TCF7L1: variants seen among roughly 807,000 people sequenced by gnomAD.
The protein encoded by TCF7L1 is transcription factor 7 like 1, also known as transcription factor 7-like 1.
TCF7L1 carries 18 observed loss-of-function variants against 63.7 expected under a neutral mutation model. That is an observed-to-expected ratio of 0.28 (90% CI 0.20 to 0.42). TCF7L1 has a LOEUF of 0.42. Ranked by LOEUF, TCF7L1 falls within the 10% of genes least tolerant of loss-of-function variation. The pLI is 1.00. For missense variants in TCF7L1, 654 were observed against 779.3 expected (o/e 0.84, Z 1.91); for synonymous variants, 355 against 340.9 (o/e 1.04, Z -0.46).
At chr2:85,208,899 A>G (rs1679477408) in intron 3 of TCF7L1, among the ~76,000 whole-genome samples, 2 of 152,222 alleles carry the variant, frequency 1.3e-5, no homozygotes, top group Admixed American at 6.5e-5. Context: ...TTTACAAAAC[A>G]TTCTGGGCTT....
chr2:85,143,594 G>GT (rs1558614549), intron 3 of TCF7L1, among the ~76,000 whole-genome samples: 2 of 152,158 alleles, frequency 1.3e-5, no homozygotes. Flanking sequence ...CAAGTATCTC[G>GT]TACAAGGTTA....
At chr2:85,218,741 A>C (rs892442051) in intron 3 of TCF7L1, among the ~76,000 whole-genome samples, 1 of 152,188 alleles carries the variant, frequency 6.6e-6, no homozygotes, top group Non-Finnish European at 1.5e-5. Context: ...TGACTTGATA[A>C]AAGAACACTG....
intron 3 of TCF7L1, among the ~76,000 whole-genome samples, chr2:85,203,261 CACCAGAACATG>C (rs768073658): frequency 1.2e-4 from 18 of 152,184 alleles, no homozygotes; most frequent in Non-Finnish European, 2.4e-4. Flanking sequence ...TGTATCTTAA[CACCAGAACATG>C]ACCAGAACAT....
chr2:85,251,841 A>C (rs1680594910), intron 3 of TCF7L1, among the ~76,000 whole-genome samples: 2 of 152,190 alleles, frequency 1.3e-5, no homozygotes, highest in Non-Finnish European at 2.9e-5. Context: ...GGGAGGCGGA[A>C]GCAGGCAGAT....
At chr2:85,291,547 T>C (rs1010344733) in intron 4 of TCF7L1, among the ~76,000 whole-genome samples, 14 of 149,586 alleles carry the variant, frequency 9.4e-5, no homozygotes, top group African/African-American at 3.5e-4. Flanking sequence ...GTGTATGTGT[T>C]TGTTTTGGTT....
At chr2:85,160,862 A>G (rs546392296) in intron 3 of TCF7L1, among the ~76,000 whole-genome samples, 14 of 152,326 alleles carry the variant, frequency 9.2e-5, no homozygotes, top group African/African-American at 3.4e-4. Flanking sequence ...AAAAGAAAAG[A>G]AAAAAGAAGC....
At chr2:85,203,862 C>T (rs6735569) in intron 3 of TCF7L1, among the ~76,000 whole-genome samples, 3,761 of 151,630 alleles carry the variant, frequency 0.025, 159 homozygotes, top group African/African-American at 0.085. Flanking sequence ...GTATTGAAAA[C>T]GATGTTGAAG....
At chr2:85,147,621 C>T (rs1677911546) in intron 3 of TCF7L1, among the ~76,000 whole-genome samples, 1 of 151,914 alleles carries the variant, frequency 6.6e-6, no homozygotes, top group African/African-American at 2.4e-5. Flanking sequence ...GGCCAGGGGC[C>T]CCAGGACCCT....
At position 85,303,897 on chromosome 2, in the gene TCF7L1, A is replaced by G. The variant is rs894932804; in HGVS notation, c.661A>G (p.Ile221Val). Residue 221 changes from isoleucine (I) to valine (V), a missense_variant and splice_region_variant, in exon 6 of 12, where the codon ATC becomes GTC. Transcript: ENST00000282111. The part of the protein sequence containing the change: ...LSPEIDPKTG[I>V]PRPPHPSELS... The stretch of plus-strand genomic sequence containing the variant: ...GACATATCTCTCTTTGGAAGCAGGA[A>G]TCCCCCGGCCCCCTCACCCATCCGA... 1 of 1,609,658 alleles carries G rather than the reference A, an allele frequency of 6.2e-7. No individual in the cohort carries two copies. The highest frequency in any genetic ancestry group is 2.2e-5 in the East Asian group (1 of 44,784).
Position 85,306,251 on chromosome 2 carries a change from C to CT in TCF7L1, c.1035_1036insT (p.Val346CysfsTer22). The CT allele has an allele frequency of 6.2e-7, 1 of 1,614,110 alleles. No individual in the cohort carries two copies. The highest frequency in any genetic ancestry group is 8.5e-7 in the Non-Finnish European group (1 of 1,180,024). On this transcript the variant is annotated frameshift_variant, in exon 9 of 12. Transcript: ENST00000282111. LOFTEE classifies it high-confidence loss of function. The surrounding 1 kb of genome is among the most constrained non-coding windows in gnomAD (Gnocchi z 4.3). ...AAAAGGAGGAGGAAAAGAAGCCCCA[C>CT]GTGAAGAAGCCTCTGAATGCCTTCA...
rs1305924531 is a variant in TCF7L1, at chr2:85,299,493, AG to A, written c.526-2990del. 9.1e-4 allele frequency among the ~76,000 whole-genome samples: 106 copies of A among 116,580 alleles called. No homozygotes were observed. The Admixed American group carries it at 0.011, about 12-fold the overall frequency. 76.5% of individuals were successfully genotyped at this position (116,580 alleles called of 152,430 possible). ...CTTGAACCCAGGAGGCAGAGGTTGCAGTGAACCGAGATCACACCACTTGCAC... is the reference window on the plus strand; with the variant it reads ...CTTGAACCCAGGAGGCAGAGGTTGCATGAACCGAGATCACACCACTTGCAC... On this transcript the variant is annotated intron_variant, in intron 4 of 11. Transcript: ENST00000282111.
At chr2:85,228,266 T>A (rs903420644) in intron 3 of TCF7L1, among the ~76,000 whole-genome samples, 6 of 151,868 alleles carry the variant, frequency 4.0e-5, no homozygotes, top group Non-Finnish European at 8.8e-5. Context: ...CAAATAATTT[T>A]AAAAATCAGC....
At position 85,133,705 on chromosome 2, in the gene TCF7L1, G is replaced by GGGC. The variant is rs566806913; in HGVS notation, c.40_42dup (p.Gly14dup). ...CCACCATGCCCCAGCTCGGCGGCGGGGGCGGCGGCGGCGGCGGCGGCAGCG... is the reference window on the plus strand; with the variant it reads ...CCACCATGCCCCAGCTCGGCGGCGGGGGCGGCGGCGGCGGCGGCGGCGGCAGCG... On this transcript the variant is annotated inframe_insertion, in exon 1 of 12. Coordinates refer to ENST00000282111, the MANE Select transcript of TCF7L1 (RefSeq NM_031283.3). This position sits in a 1 kb window ranked among gnomAD's most constrained non-coding sequence, Gnocchi z 4.4. 138 of 1,076,732 alleles carry GGGC rather than the reference G, an allele frequency of 1.3e-4. No homozygotes were observed. The highest frequency in any genetic ancestry group is 8.1e-4 in the Middle Eastern group (2 of 2,462). The allele number at this position is 1,076,732 out of a possible 1,614,324, so 66.7% of individuals were successfully genotyped here. A position where few individuals can be genotyped will look rare whatever the true frequency, so the allele number is the denominator to read the frequency against.
chr2:85,151,255 G>C (rs1678008455), intron 3 of TCF7L1, among the ~76,000 whole-genome samples: 1 of 152,072 alleles, frequency 6.6e-6, no homozygotes, highest in Non-Finnish European at 1.5e-5. Context: ...TTTTTATCTT[G>C]ATGACTCCTG....
intron 3 of TCF7L1, among the ~76,000 whole-genome samples, chr2:85,154,121 G>T (rs771195084): frequency 7.2e-5 from 11 of 152,254 alleles, no homozygotes; most frequent in Admixed American, 2.6e-4. Context: ...AATCTGGCTC[G>T]CTGGTTTGTG....
Position 85,196,870 on chromosome 2 carries a change from C to T in TCF7L1, c.441+62420C>T, listed in dbSNP as rs116698099. 3.7e-3 allele frequency among the ~76,000 whole-genome samples: 570 copies of T among 152,312 alleles called. 3 individuals carry two copies. Among genetic ancestry groups the T allele is most frequent in the African/African-American group, 0.013 (545 of 41,564 alleles). On this transcript the variant is annotated intron_variant, in intron 3 of 11. Transcript: ENST00000282111. ...TAAGTGAGGCATTCCCACTGCCCAA[C>T]CCCTTCCCCTGACTGCAGTGACTGC...
intron 3 of TCF7L1, among the ~76,000 whole-genome samples, chr2:85,223,956 G>A (rs1047243508): frequency 2.6e-5 from 4 of 152,036 alleles, no homozygotes; most frequent in African/African-American, 9.7e-5. Flanking sequence ...CTCCCCAACA[G>A]GCCCTGGTGT....
intron 3 of TCF7L1, among the ~76,000 whole-genome samples, chr2:85,228,747 G>T (rs1680008611): frequency 6.6e-6 from 1 of 152,128 alleles, no homozygotes; most frequent in Non-Finnish European, 1.5e-5. Flanking sequence ...TGGGCTCGGT[G>T]GCTCACGCCT....
rs147596953 is a variant in TCF7L1, at chr2:85,143,867, G to A, written c.441+9417G>A. Among the ~76,000 whole-genome samples, 70 of 152,340 alleles carry A rather than the reference G, an allele frequency of 4.6e-4. 2 individuals are homozygous for A. Among genetic ancestry groups the A allele is most frequent in the African/African-American group, 1.6e-3 (66 of 41,574 alleles). ...TTCCTGAATAAACAGTTGTAGAAGC[G>A]AGTGACAGTTGTGGTTGAAGTTGTT... On this transcript the variant is annotated intron_variant, in intron 3 of 11. Coordinates refer to ENST00000282111, the MANE Select transcript of TCF7L1 (RefSeq NM_031283.3).
Sources: allele counts gnomAD v4.1 joint callset (sites outside exome capture counted in the v4.1 genomes callset), GRCh38; gene constraint gnomAD v4.1.1; non-coding constraint Gnocchi (gnomAD v3.1); transcripts MANE v1.5; gene names NCBI Gene and HGNC (gene_info 2026-07-23, HGNC 2026-07-21).